The following LY86 variants were observed in gnomAD, a reference collection of about 807,000 sequenced individuals.
The protein encoded by LY86 is MD-1, RP105-associated.
A neutral mutation model predicts 17.3 loss-of-function variants in LY86; 20 were observed. The ratio of observed to expected loss-of-function variants is 1.15; its 90% CI spans 0.81 to 1.68. LY86 has a LOEUF of 1.68. Among genes scored for constraint, LY86 ranks in the 40% most tolerant of loss-of-function variants. LY86 has a pLI of 0.00. For synonymous variants in LY86, 74 were observed against 70.6 expected (o/e 1.05, Z -0.24); for missense variants, 200 against 191.9 (o/e 1.04, Z -0.25).
intron 1 of LY86, among the ~76,000 whole-genome samples, chr6:6,615,367 A>G (rs1366198809): frequency 1.3e-5 from 2 of 152,006 alleles, no homozygotes; most frequent in African/African-American, 4.8e-5. Flanking sequence ...GTTTAATCTC[A>G]AGGGCTGGGA....
At chr6:6,613,369 C>T (rs77716176) in intron 1 of LY86, among the ~76,000 whole-genome samples, 23,833 of 152,220 alleles carry the variant, frequency 0.16, 1,926 homozygotes, top group East Asian at 0.2. Flanking sequence ...CATAAGCTCA[C>T]AGCGGGGGAG....
At chr6:6,594,192 A>AC (rs1161676297) in intron 1 of LY86, among the ~76,000 whole-genome samples, 4 of 152,196 alleles carry the variant, frequency 2.6e-5, no homozygotes, top group African/African-American at 9.7e-5. Context: ...CTCACAGTCT[A>AC]CCTGGACAGA....
chr6:6,650,716 T>A (rs1561794139), intron 4 of LY86, among the ~76,000 whole-genome samples: 1 of 152,224 alleles, frequency 6.6e-6, no homozygotes. Context: ...GTTATGTGTA[T>A]GTAATATGTA....
rs1761627989 is a variant in LY86 at position 6,619,570 on chromosome 6, G to A, written c.137-5356G>A. 2.0e-5 allele frequency among the ~76,000 whole-genome samples: 3 copies of A among 152,234 alleles called. No homozygotes were observed. The South Asian group carries it at 6.2e-4, about 32-fold the overall frequency. ...AGCTAAGCTGCCTGTGGCTGGTAAG[G>A]TCTCCTGGGCCCTCTACGCCCTTTC... On this transcript the variant is annotated intron_variant, in intron 1 of 4. Coordinates refer to ENST00000230568, the MANE Select transcript of LY86 (RefSeq NM_004271.4).
chr6:6,653,510 G>A (rs1236076544), intron 4 of LY86, among the ~76,000 whole-genome samples: 3 of 152,206 alleles, frequency 2.0e-5, no homozygotes, highest in African/African-American at 7.2e-5. Context: ...GGTGCTGGCA[G>A]CAAACAAAAC....
At chr6:6,623,573 G>A (rs1761724846) in intron 1 of LY86, among the ~76,000 whole-genome samples, 1 of 152,158 alleles carries the variant, frequency 6.6e-6, no homozygotes, top group South Asian at 2.1e-4. Context: ...AGAGGAAAGA[G>A]GGCTGGATTT....
At chr6:6,602,477 G>A (rs1025379974) in intron 1 of LY86, among the ~76,000 whole-genome samples, 4 of 152,214 alleles carry the variant, frequency 2.6e-5, no homozygotes, top group African/African-American at 9.6e-5. Context: ...CATACTCAAT[G>A]TGAATTACAG....
At chr6:6,613,434 G>C (rs575846324) in intron 1 of LY86, among the ~76,000 whole-genome samples, 2 of 152,312 alleles carry the variant, frequency 1.3e-5, no homozygotes. Context: ...GAGCCCTGCC[G>C]CGCCGGGAGG....
intron 1 of LY86, among the ~76,000 whole-genome samples, chr6:6,620,600 G>A (rs965810186): frequency 2.0e-5 from 3 of 152,230 alleles, no homozygotes; most frequent in African/African-American, 7.2e-5. Context: ...CAGAGTCTGT[G>A]TCATTGGATT....
chr6:6,612,047 A>C (rs904772209), intron 1 of LY86, among the ~76,000 whole-genome samples: 2 of 151,686 alleles, frequency 1.3e-5, no homozygotes, highest in African/African-American at 2.4e-5. Flanking sequence ...GAGAGAGCAA[A>C]TTGAAGATGT....
At chr6:6,641,665 G>A (rs1050130891) in intron 3 of LY86, among the ~76,000 whole-genome samples, 1 of 152,222 alleles carries the variant, frequency 6.6e-6, no homozygotes, top group African/African-American at 2.4e-5. Context: ...ACAAGAAACA[G>A]GTGCAAACGT....
chr6:6,643,582 G>A (rs910716253), intron 3 of LY86, among the ~76,000 whole-genome samples: 2 of 152,216 alleles, frequency 1.3e-5, no homozygotes, highest in African/African-American at 2.4e-5. Flanking sequence ...GAGACCTAAC[G>A]TACAGCACAG....
chr6:6,642,986 T>C (rs1230477714), intron 3 of LY86, among the ~76,000 whole-genome samples: 1 of 152,182 alleles, frequency 6.6e-6, no homozygotes, highest in Non-Finnish European at 1.5e-5. Flanking sequence ...GACTCTGAGC[T>C]TCCTCCCACT....
intron 1 of LY86, among the ~76,000 whole-genome samples, chr6:6,605,574 G>C (rs150565999): frequency 6.6e-6 from 1 of 152,352 alleles, no homozygotes; most frequent in East Asian, 1.9e-4. Flanking sequence ...GTGGGAGAAA[G>C]CGCATGACAG....
intron 4 of LY86, among the ~76,000 whole-genome samples, chr6:6,652,104 T>C (rs1581254788): frequency 1.6e-5 from 2 of 124,472 alleles, no homozygotes; most frequent in East Asian, 4.5e-4. Flanking sequence ...ACCAGATAAG[T>C]AAAAAGCTTT....
chr6:6,589,160 A>C (rs1760448929), intron 1 of LY86, among the ~76,000 whole-genome samples: 1 of 152,182 alleles, frequency 6.6e-6, no homozygotes, highest in Non-Finnish European at 1.5e-5. Context: ...AAAAGAACAA[A>C]ATGATCAGTG....
intron 3 of LY86, among the ~76,000 whole-genome samples, chr6:6,644,371 G>A (rs1056165316): frequency 1.3e-5 from 2 of 152,082 alleles, no homozygotes; most frequent in African/African-American, 4.8e-5. Flanking sequence ...AAAAAACTAG[G>A]CGTGTATGGT....
chr6:6,605,340 G>T (rs1351322289), intron 1 of LY86, among the ~76,000 whole-genome samples: 1 of 152,224 alleles, frequency 6.6e-6, no homozygotes, highest in African/African-American at 2.4e-5. Flanking sequence ...CTGGGAAAAG[G>T]TGATGAAGTA....
At chr6:6,626,138 G>A (rs895444415) in intron 2 of LY86, among the ~76,000 whole-genome samples, 155 bp from the exon 3 acceptor site, 6 of 152,206 alleles carry the variant, frequency 3.9e-5, no homozygotes, top group Admixed American at 1.3e-4. Flanking sequence ...TTGCCTAAAT[G>A]CTGTTTTACC....
Sources: allele counts gnomAD v4.1 joint callset (sites outside exome capture counted in the v4.1 genomes callset), GRCh38; gene constraint gnomAD v4.1.1; transcripts MANE v1.5; gene names NCBI Gene and HGNC (gene_info 2026-07-23, HGNC 2026-07-21).